Variants in COL4A5 observed in about 807,000 individuals in gnomAD.
COL4A5 encodes collagen alpha-5(IV) chain.
Under a neutral mutation model 130.2 loss-of-function variants are expected in COL4A5, and 26 were observed. The observed-to-expected ratio is 0.20, with a 90% CI of 0.15 to 0.28. COL4A5 has a LOEUF of 0.28. Ranked by LOEUF, COL4A5 falls within the 10% of genes least tolerant of loss-of-function variation. The pLI is 1.00. For missense variants in COL4A5, 1,131 were observed against 1,344.3 expected (o/e 0.84, Z 2.48); for synonymous variants, 496 against 439.6 (o/e 1.13, Z -1.60).
At chrX:108,585,422 A>G (rs1404721742) in intron 18 of COL4A5, among the ~76,000 whole-genome samples, 1 of 112,174 alleles carries the variant, frequency 8.9e-6, no homozygotes, top group Non-Finnish European at 1.9e-5. Context: ...TCTAGGAAAT[A>G]ATCTCTTTAT....
At chrX:108,619,504 A>AC (rs1261352292) in intron 30 of COL4A5, among the ~76,000 whole-genome samples, 1 of 111,485 alleles carries the variant, frequency 9.0e-6, no homozygotes, top group Non-Finnish European at 1.9e-5. Flanking sequence ...CTCTTTTTTA[A>AC]CCACCTTGCT....
intron 1 of COL4A5, among the ~76,000 whole-genome samples, chrX:108,529,435 A>C (rs58746339): frequency 0.1 from 11,450 of 110,984 alleles, 1,289 homozygotes; most frequent in African/African-American, 0.33. Context: ...AAGCGGTAAC[A>C]CTATAGCAAT....
chrX:108,536,917 C>T (rs1351341132), intron 1 of COL4A5, among the ~76,000 whole-genome samples: 2 of 110,785 alleles, frequency 1.8e-5, no homozygotes, highest in African/African-American at 3.3e-5. Flanking sequence ...TATGATATAC[C>T]GCTGTATCAT....
chrX:108,525,913 TA>T (rs1174142607), intron 1 of COL4A5, among the ~76,000 whole-genome samples: 2 of 111,609 alleles, frequency 1.8e-5, no homozygotes, highest in Admixed American at 1.9e-4. Context: ...TCTTCTGTTC[TA>T]TGAGCAAGTT....
chrX:108,518,497 A>G (rs953021432), intron 1 of COL4A5, among the ~76,000 whole-genome samples: 2 of 110,921 alleles, frequency 1.8e-5, no homozygotes, highest in African/African-American at 6.5e-5. Flanking sequence ...CTTTTTATCA[A>G]TGTGAGTTTA....
intron 48 of COL4A5, 42 bp downstream of exon 48, chrX:108,686,171 T>C (rs376992679): frequency 1.0e-5 from 11 of 1,065,370 alleles, no homozygotes; most frequent in Non-Finnish European, 1.2e-5. Context: ...GGAAAGTCTT[T>C]GAGTCTGAGA....
At chrX:108,593,294 C>T (rs1440873982) in intron 21 of COL4A5, among the ~76,000 whole-genome samples, 2 of 111,547 alleles carry the variant, frequency 1.8e-5, no homozygotes, top group East Asian at 5.6e-4. Flanking sequence ...TGATTATGAA[C>T]TATTTCCTTA....
chrX:108,484,119 AT>A (rs1031206179), intron 1 of COL4A5, among the ~76,000 whole-genome samples: 1 of 111,698 alleles, frequency 9.0e-6, no homozygotes, highest in African/African-American at 3.2e-5. Context: ...AAGCTTTTTA[AT>A]TTCAATATGT....
In COL4A5 at chrX:108,588,319, C is replaced by G. The variant is rs146615910; in HGVS notation, c.1165+1572C>G. Among the ~76,000 whole-genome samples, 359 of 110,710 alleles carry G rather than the reference C, an allele frequency of 3.2e-3. 1 individual carries two copies. The highest frequency in any genetic ancestry group is 5.1e-3 in the Non-Finnish European group (270 of 52,649). On this transcript the variant is annotated intron_variant, in intron 19 of 52. Transcript: ENST00000328300. Reference sequence around the variant, plus strand: ...ATGAGTGATATTCAGTGATCTTTCCCAAGAGAAAGAAAATAAATATAGGTT... The same window carrying G: ...ATGAGTGATATTCAGTGATCTTTCCGAAGAGAAAGAAAATAAATATAGGTT...
rs1319925852 is a variant in COL4A5, at chrX:108,580,545, G to A, written c.793G>A (p.Asp265Asn). ...TACTACTGCATAGGGACTTCCTGGT[G>A]ACCGAGGGCCTCCTGGACCTCCAGG... is the stretch of plus-strand genomic sequence containing the variant. The part of the protein sequence containing the change: ...FQKGDQGLPG[D>N]RGPPGPPGIR... The change falls in exon 14 of 53, where the codon GAC becomes AAC. Residue 265 changes from aspartate (D) to asparagine (N), a missense_variant. By Grantham distance (23) the Asp-to-Asn change is conservative. Coordinates refer to ENST00000328300, the MANE Select transcript of COL4A5 (RefSeq NM_033380.3). 1 of 1,206,997 alleles carries A rather than the reference G, an allele frequency of 8.3e-7. No individual in the cohort carries two copies. Among genetic ancestry groups the A allele is most frequent in the East Asian group, 3.0e-5 (1 of 33,737 alleles).
At chrX:108,483,999 T>C (rs1312424578) in intron 1 of COL4A5, among the ~76,000 whole-genome samples, 1 of 112,380 alleles carries the variant, frequency 8.9e-6, no homozygotes, top group African/African-American at 3.2e-5. Context: ...GAGCTCCTTA[T>C]ATATTCTGGT....
chrX:108,529,835 A>G (rs906411256), intron 1 of COL4A5, among the ~76,000 whole-genome samples: 6 of 111,389 alleles, frequency 5.4e-5, no homozygotes, highest in Admixed American at 4.8e-4. Context: ...TGTAATGATA[A>G]ATGGAACAAT....
At position 108,526,520 on chromosome X, in the gene COL4A5, C is replaced by T. The variant is rs191969000; in HGVS notation, c.82-13226C>T. Among the ~76,000 whole-genome samples the T allele has an allele frequency of 1.3e-3, 136 of 103,148 alleles. 1 individual carries two copies. The highest frequency in any genetic ancestry group is 4.4e-3 in the African/African-American group (126 of 28,454). The allele number at this position is 103,148 out of a possible 115,157, so 89.6% of individuals were successfully genotyped here. The stretch of plus-strand genomic sequence containing the variant: ...CTTTCTCTTTCTTTCTTCTTTCCTT[C>T]TTTCTTTCTTTCTCTCGCTCTCCCT... On this transcript the variant is annotated intron_variant, in intron 1 of 52. Transcript: ENST00000328300.
Position 108,591,641 on chromosome X carries a change from A to G in COL4A5, c.1420A>G (p.Lys474Glu), listed in dbSNP as rs746054895. ...DKGLQGEQGVKGDKGDTCFNC... is the reference protein window; with the variant it reads ...DKGLQGEQGVEGDKGDTCFNC... ...AGGACTCCAAGGAGAACAAGGAGTGAAAGGTTTGATCTCCAAACATATTCA... is the reference window on the plus strand; with the variant it reads ...AGGACTCCAAGGAGAACAAGGAGTGGAAGGTTTGATCTCCAAACATATTCA... The change falls in exon 21 of 53, where the codon AAA becomes GAA. Residue 474 changes from lysine (K) to glutamate (E), a missense_variant. Physicochemically the swap from Lys to Glu is moderately conservative, Grantham distance 56 (BLOSUM62 1). Transcript: ENST00000328300. 3.4e-6 allele frequency: 4 copies of G among 1,188,315 alleles called. No homozygotes were observed. The highest frequency in any genetic ancestry group is 3.4e-6 in the Non-Finnish European group (3 of 874,228).
intron 1 of COL4A5, among the ~76,000 whole-genome samples, chrX:108,467,310 A>G (rs73638861): frequency 0.019 from 2,140 of 111,973 alleles, 36 homozygotes; most frequent in East Asian, 0.075. Flanking sequence ...TCAATTTACC[A>G]TTGATGTATG....
At chrX:108,517,764 A>G (rs1023770623) in intron 1 of COL4A5, among the ~76,000 whole-genome samples, 9 of 111,900 alleles carry the variant, frequency 8.0e-5, no homozygotes, top group Admixed American at 9.5e-5. Context: ...TTGGGAATGC[A>G]TGCTACGGAA....
At chrX:108,582,822 C>A in intron 16 of COL4A5, 62 bp from the exon 17 acceptor site, 1 of 943,779 alleles carries the variant, frequency 1.1e-6, no homozygotes, top group South Asian at 2.0e-5. Context: ...AGAAGACAAT[C>A]TTTGGAGATT....
intron 1 of COL4A5, among the ~76,000 whole-genome samples, chrX:108,467,473 G>T: frequency 9.0e-6 from 1 of 111,410 alleles, no homozygotes; most frequent in Middle Eastern, 4.6e-3. Context: ...GATTGTTTTG[G>T]TTCTTAGGGC....
chrX:108,586,895 C>A, intron 19 of COL4A5, 148 bp downstream of exon 19: 1 of 587,170 alleles, frequency 1.7e-6, no homozygotes, highest in Non-Finnish European at 2.8e-6. Context: ...CTTACTATAC[C>A]TTCTCTCACC....
Sources: gnomAD v4.1 joint callset for allele counts (sites outside exome capture counted in the v4.1 genomes callset) on GRCh38, gnomAD v4.1.1 for gene constraint, MANE v1.5 for transcripts, NCBI Gene and HGNC (gene_info 2026-07-23, HGNC 2026-07-21) for gene names.